Variants in ANTXR2 observed in about 807,000 individuals in gnomAD.
ANTXR2 encodes the protein anthrax toxin receptor 2.
In ANTXR2, 44 loss-of-function variants were observed where a neutral mutation model predicts 73.7. The observed-to-expected ratio is 0.60, with a 90% CI of 0.47 to 0.77. The LOEUF (loss-of-function observed/expected upper bound fraction) is 0.77. ANTXR2 is among the 30% of genes least tolerant of loss of function. The pLI is 0.00. For synonymous variants in ANTXR2, 217 were observed against 205.9 expected (o/e 1.05, Z -0.46); for missense variants, 604 against 592.5 (o/e 1.02, Z -0.20).
intron 2 of ANTXR2, among the ~76,000 whole-genome samples, chr4:80,070,857 G>C (rs1578201967): frequency 6.6e-6 from 1 of 151,284 alleles, no homozygotes; most frequent in Admixed American, 6.6e-5. Context: ...TTTGCTCATT[G>C]CATTTTTTCT....
At chr4:79,973,562 G>C (rs1729515542) in intron 16 of ANTXR2, among the ~76,000 whole-genome samples, 1 of 152,028 alleles carries the variant, frequency 6.6e-6, no homozygotes, top group African/African-American at 2.4e-5. Context: ...TGAGTAGCTG[G>C]GACTACAGGT....
At chr4:79,920,299 A>G (rs935012080) in intron 16 of ANTXR2, among the ~76,000 whole-genome samples, 1 of 152,124 alleles carries the variant, frequency 6.6e-6, no homozygotes, top group African/African-American at 2.4e-5. Context: ...AAAGAAATTA[A>G]TCAAAGACGA....
At chr4:79,993,650 C>T (rs576947369) in intron 12 of ANTXR2, among the ~76,000 whole-genome samples, 2 of 151,942 alleles carry the variant, frequency 1.3e-5, no homozygotes, top group South Asian at 2.1e-4. Context: ...AAGGAACCCA[C>T]ATCATTTGAA....
intron 12 of ANTXR2, among the ~76,000 whole-genome samples, chr4:79,991,154 G>C (rs116861716): frequency 2.6e-5 from 4 of 152,038 alleles, no homozygotes; most frequent in African/African-American, 9.7e-5. Context: ...TGTCAACAGA[G>C]TAAACAGATA....
chr4:79,910,767 G>C (rs1727102091), intron 16 of ANTXR2, among the ~76,000 whole-genome samples: 1 of 152,072 alleles, frequency 6.6e-6, no homozygotes, highest in South Asian at 2.1e-4. Context: ...GGGAGAGAAA[G>C]AGGATTACCA....
rs77768474 is a variant in ANTXR2, at chr4:80,021,449, A to T, written c.867-2473T>A. On this transcript the variant is annotated intron_variant, in intron 10 of 16. Coordinates refer to ENST00000403729, the MANE Select transcript of ANTXR2 (RefSeq NM_058172.6). ...TGTTGGCATGGTTTTATTTTTTGGA[A>T]AGATAATTTTCATTCATAATAATAT... Among the ~76,000 whole-genome samples, 106 of 152,228 alleles carry T rather than the reference A, an allele frequency of 7.0e-4. No homozygotes were observed. In the East Asian group the frequency reaches 0.018, roughly 26 times the overall value.
intron 11 of ANTXR2, among the ~76,000 whole-genome samples, chr4:80,016,245 G>A (rs111272466): frequency 0.017 from 2,550 of 152,098 alleles, 75 homozygotes; most frequent in African/African-American, 0.058. Context: ...TTGATAATCT[G>A]GTCTACATTT....
intron 7 of ANTXR2, among the ~76,000 whole-genome samples, chr4:80,045,705 A>C (rs1733488530): frequency 6.6e-6 from 1 of 151,796 alleles, no homozygotes; most frequent in African/African-American, 2.4e-5. Context: ...AAGGTCTAAC[A>C]AAATGAAGCT....
chr4:80,007,741 T>C (rs377177460), intron 12 of ANTXR2, among the ~76,000 whole-genome samples: 4 of 152,270 alleles, frequency 2.6e-5, no homozygotes, highest in African/African-American at 9.6e-5. Flanking sequence ...GCAAAGAATC[T>C]GAGTAGCCTT....
chr4:79,980,062 T>A (rs1729818835), intron 14 of ANTXR2, among the ~76,000 whole-genome samples: 1 of 152,104 alleles, frequency 6.6e-6, no homozygotes, highest in Non-Finnish European at 1.5e-5. Context: ...TATTCTCAGA[T>A]TAAAAAAATA....
intron 3 of ANTXR2, among the ~76,000 whole-genome samples, chr4:80,067,359 C>A (rs1734552435): frequency 6.6e-6 from 1 of 152,218 alleles, no homozygotes; most frequent in South Asian, 2.1e-4. Context: ...AATCTGGTCA[C>A]CCAGTGACCT....
intron 16 of ANTXR2, among the ~76,000 whole-genome samples, chr4:79,947,339 G>C (rs565003855): frequency 6.6e-6 from 1 of 152,168 alleles, no homozygotes; most frequent in East Asian, 1.9e-4. Flanking sequence ...AGTTCAGTGA[G>C]GTAAATCTGA....
chr4:79,914,755 T>G (rs1727279827), intron 16 of ANTXR2, among the ~76,000 whole-genome samples: 1 of 152,176 alleles, frequency 6.6e-6, no homozygotes, highest in Non-Finnish European at 1.5e-5. Flanking sequence ...CTTCACATAA[T>G]CCCAAAGTTC....
chr4:79,907,350 T>C lies in ANTXR2; in HGVS notation c.*79A>G. 1 of 1,488,974 alleles carries C rather than the reference T, an allele frequency of 6.7e-7. No individual in the cohort carries two copies. Among genetic ancestry groups the C allele is most frequent in the Non-Finnish European group, 9.3e-7 (1 of 1,074,054 alleles). The allele number at this position is 1,488,974 out of a possible 1,614,324, so 92.2% of individuals were successfully genotyped here. ...CTTCCAAAAGCTTCTGAAATGCACT[T>C]GATTTTTTTCATTTGGTTGAAAATC... On this transcript the variant is annotated 3_prime_UTR_variant, in exon 17 of 17. Transcript: ENST00000403729.
intron 12 of ANTXR2, among the ~76,000 whole-genome samples, chr4:79,993,570 G>A (rs1446995715): frequency 6.6e-6 from 1 of 151,912 alleles, no homozygotes; most frequent in African/African-American, 2.4e-5. Context: ...CCAAGCTGTA[G>A]TCTAATTATG....
chr4:80,065,193 GAACTGAGCTT>G (rs1734439408), intron 3 of ANTXR2, among the ~76,000 whole-genome samples: 1 of 152,148 alleles, frequency 6.6e-6, no homozygotes, highest in Admixed American at 6.5e-5. Flanking sequence ...ATATTTAACA[GAACTGAGCTT>G]AATTCACTAT....
chr4:79,907,203 T>C lies in ANTXR2; in HGVS notation c.*226A>G. ...TCTTTATTTTCAATGTCATAAATCA[T>C]GAGTTACCACTGAGTTTCATCACCT... is the stretch of plus-strand genomic sequence containing the variant. On this transcript the variant is annotated 3_prime_UTR_variant, in exon 17 of 17. Transcript: ENST00000403729. 1.7e-6 allele frequency: 1 copy of C among 581,486 alleles called. No homozygotes were observed. Among genetic ancestry groups the C allele is most frequent in the Non-Finnish European group, 3.0e-6 (1 of 332,396 alleles). 36.0% of individuals were successfully genotyped at this position (581,486 alleles called of 1,614,324 possible).
At chr4:80,059,761 G>A (rs1227785477) in intron 3 of ANTXR2, among the ~76,000 whole-genome samples, 3 of 152,042 alleles carry the variant, frequency 2.0e-5, no homozygotes, top group Non-Finnish European at 4.4e-5. Context: ...GGGGAGAAGA[G>A]GAGAGGAGTG....
chr4:80,049,672 TA>T (rs1733685957), intron 7 of ANTXR2, among the ~76,000 whole-genome samples: 1 of 151,684 alleles, frequency 6.6e-6, no homozygotes, highest in South Asian at 2.1e-4. Context: ...GTCCCCTCTG[TA>T]AAAACAGTTT....
Sources: gnomAD v4.1 joint callset for allele counts (sites outside exome capture counted in the v4.1 genomes callset) on GRCh38, gnomAD v4.1.1 for gene constraint, MANE v1.5 for transcripts, NCBI Gene and HGNC (gene_info 2026-07-23, HGNC 2026-07-21) for gene names.